The following PCSK5 variants were observed in gnomAD, a reference collection of about 807,000 sequenced individuals.
The protein encoded by PCSK5 is prohormone convertase 5.
A neutral mutation model predicts 233.2 loss-of-function variants in PCSK5; 129 were observed. The observed-to-expected ratio is 0.55, with a 90% CI of 0.48 to 0.64. The LOEUF is 0.64. Among genes scored for constraint, PCSK5 ranks in the 30% least tolerant of loss-of-function variants. PCSK5 has a pLI of 0.00. For missense variants in PCSK5, 2,076 were observed against 2,430.1 expected (o/e 0.85, Z 3.06); for synonymous variants, 825 against 879.2 (o/e 0.94, Z 1.09).
chr9:75,913,298 T>C (rs1822830388), intron 1 of PCSK5, among the ~76,000 whole-genome samples: 1 of 152,242 alleles, frequency 6.6e-6, no homozygotes, highest in South Asian at 2.1e-4. Flanking sequence ...TAGCTTATTT[T>C]CAACCCTATT....
intron 3 of PCSK5, among the ~76,000 whole-genome samples, chr9:76,015,508 A>T (rs1327523654): frequency 6.6e-6 from 1 of 152,248 alleles, no homozygotes; most frequent in Admixed American, 6.5e-5. Context: ...AGATATAATA[A>T]TCATACAGCA....
chr9:75,943,083 C>CTGG (rs1824393919), intron 2 of PCSK5, among the ~76,000 whole-genome samples: 2 of 151,934 alleles, frequency 1.3e-5, no homozygotes. Context: ...CGGGGTTTCG[C>CTGG]CATGTTGGCC....
At chr9:76,186,049 C>CTTTT (rs1824088647) in intron 17 of PCSK5, among the ~76,000 whole-genome samples, 1 of 151,924 alleles carries the variant, frequency 6.6e-6, no homozygotes, top group Non-Finnish European at 1.5e-5. Flanking sequence ...TGCCAGTAAC[C>CTTTT]ACATTAAGAG....
At chr9:75,921,820 A>G (rs1315781298) in intron 1 of PCSK5, among the ~76,000 whole-genome samples, 1 of 152,214 alleles carries the variant, frequency 6.6e-6, no homozygotes, top group Non-Finnish European at 1.5e-5. Flanking sequence ...GGATTGAAGA[A>G]AATAAAAGCG....
At chr9:76,016,414 G>A (rs1386628026) in intron 3 of PCSK5, among the ~76,000 whole-genome samples, 1 of 152,228 alleles carries the variant, frequency 6.6e-6, no homozygotes, top group Non-Finnish European at 1.5e-5. Context: ...TAGAGATGGA[G>A]GCAATGGTTT....
chr9:76,275,537 GC>G (rs1827663863), intron 24 of PCSK5, among the ~76,000 whole-genome samples: 1 of 152,138 alleles, frequency 6.6e-6, no homozygotes, highest in Admixed American at 6.6e-5. Context: ...TGATTCTCCT[GC>G]CTCAGCCTCC....
chr9:76,119,808 T>C (rs1352642500), intron 9 of PCSK5, among the ~76,000 whole-genome samples: 2 of 152,026 alleles, frequency 1.3e-5, no homozygotes, highest in African/African-American at 4.8e-5. Flanking sequence ...AATCACTCTT[T>C]TAGTTATTTT....
chr9:76,204,348 G>A (rs189603661), intron 20 of PCSK5, among the ~76,000 whole-genome samples: 7 of 152,248 alleles, frequency 4.6e-5, no homozygotes, highest in Admixed American at 4.6e-4. Flanking sequence ...TGTGGCTACT[G>A]GGGTAAATAC....
At chr9:76,253,163 C>G (rs550968921) in intron 24 of PCSK5, among the ~76,000 whole-genome samples, 2 of 152,248 alleles carry the variant, frequency 1.3e-5, no homozygotes, top group African/African-American at 4.8e-5. Context: ...TGTAGCCAAC[C>G]TTAGTGCATG....
chr9:75,891,149 C>CAGCG lies in PCSK5; in HGVS notation c.-26_-23dup. The CAGCG allele has an allele frequency of 6.9e-7, 1 of 1,441,090 alleles. No individual in the cohort carries two copies. The highest frequency in any genetic ancestry group is 1.6e-5 in the South Asian group (1 of 62,332). The allele number at this position is 1,441,090 out of a possible 1,614,324, so 89.3% of individuals were successfully genotyped here. A position where few individuals can be genotyped will look rare whatever the true frequency, so the allele number is the denominator to read the frequency against. On this transcript the variant is annotated 5_prime_UTR_variant, in exon 1 of 38. Transcript: ENST00000674117. ...CGCGCCCTTAGTGCGCGGAACCAGC[C>CAGCG]AGCGAGCGAGGGAGCAGCGAGGCGC...
intron 20 of PCSK5, among the ~76,000 whole-genome samples, chr9:76,221,085 C>T (rs548810575): frequency 6.6e-6 from 1 of 152,326 alleles, no homozygotes; most frequent in African/African-American, 2.4e-5. Flanking sequence ...TAGGAACTTA[C>T]AGCCTAACGG....
rs759909913 is a variant in PCSK5 at position 76,238,990 on chromosome 9, G to C, written c.2898G>C (p.Gln966His). 5.0e-6 allele frequency: 8 copies of C among 1,612,350 alleles called. No individual in the cohort carries two copies. The South Asian group carries it at 8.8e-5, about 18-fold the overall frequency. ...DNYGREHFLYQGECGDSCPEG... is the reference protein window; with the variant it reads ...DNYGREHFLYHGECGDSCPEG... ...ATGGCCGAGAGCACTTCCTGTACCA[G>C]GGAGAGTGTGGAGATAGCTGCCCAG... The change falls in exon 23 of 38, where the codon CAG (glutamine) becomes CAC (histidine). Residue 966 changes from glutamine (Q) to histidine (H), a missense_variant. Coordinates refer to ENST00000674117, the MANE Select transcript of PCSK5 (RefSeq NM_001372043.1).
chr9:76,027,647 A>G (rs1436639442), intron 5 of PCSK5, among the ~76,000 whole-genome samples: 1 of 148,184 alleles, frequency 6.7e-6, no homozygotes, highest in Non-Finnish European at 1.5e-5. Flanking sequence ...GTGAATGCAA[A>G]TCAACATTCA....
At chr9:76,023,221 T>G (rs1255209012) in intron 3 of PCSK5, among the ~76,000 whole-genome samples, 1 of 152,222 alleles carries the variant, frequency 6.6e-6, no homozygotes, top group Non-Finnish European at 1.5e-5. Context: ...ACTTACGGTA[T>G]CAGAACAGGA....
chr9:76,140,317 A>T (rs1823158344), intron 10 of PCSK5, among the ~76,000 whole-genome samples: 1 of 152,150 alleles, frequency 6.6e-6, no homozygotes, highest in Non-Finnish European at 1.5e-5. Context: ...AAGAAAGTCT[A>T]TTAATGATAT....
chr9:75,984,180 A>T (rs1339072806), intron 2 of PCSK5, among the ~76,000 whole-genome samples: 1 of 152,176 alleles, frequency 6.6e-6, no homozygotes, highest in East Asian at 1.9e-4. Flanking sequence ...CCTATAGTTC[A>T]TCTAGGAAAA....
At chr9:76,230,764 G>A (rs961187184) in intron 21 of PCSK5, among the ~76,000 whole-genome samples, 7 of 152,128 alleles carry the variant, frequency 4.6e-5, no homozygotes, top group South Asian at 2.1e-4. Flanking sequence ...TCTAGGTTGC[G>A]TGCTCATTAT....
At chr9:76,109,259 T>A (rs1832106035) in intron 9 of PCSK5, among the ~76,000 whole-genome samples, 1 of 152,184 alleles carries the variant, frequency 6.6e-6, no homozygotes, top group Non-Finnish European at 1.5e-5. Flanking sequence ...AGGTTGTTTC[T>A]CTGGAATATG....
chr9:76,087,570 A>C (rs1831115819), intron 7 of PCSK5, among the ~76,000 whole-genome samples: 1 of 152,196 alleles, frequency 6.6e-6, no homozygotes, highest in Admixed American at 6.5e-5. Context: ...AAATTTTGTC[A>C]TTTACAGTTG....
Sources: allele counts gnomAD v4.1 joint callset (sites outside exome capture counted in the v4.1 genomes callset), GRCh38; gene constraint gnomAD v4.1.1; transcripts MANE v1.5; gene names NCBI Gene and HGNC (gene_info 2026-07-23, HGNC 2026-07-21).